Variants in PIF1 observed in about 807,000 individuals in gnomAD.
The protein encoded by PIF1 is ATP-dependent DNA helicase PIF1.
A neutral mutation model predicts 62.3 loss-of-function variants in PIF1; 67 were observed. The ratio of observed to expected loss-of-function variants is 1.08; its 90% CI spans 0.88 to 1.32. The LOEUF (loss-of-function observed/expected upper bound fraction) is 1.32, where lower values mean the gene tolerates loss of function less well. Among genes scored for constraint, PIF1 ranks in the 40% most tolerant of loss-of-function variants. PIF1 has a pLI of 0.00. For missense variants in PIF1, 886 were observed against 866.1 expected, an observed-to-expected ratio of 1.02 and a Z score of -0.29; for synonymous variants, 364 against 379.5, an observed-to-expected ratio of 0.96 and a Z score of 0.47.
intron 12 of PIF1, 27 bp from the exon 13 acceptor site, chr15:64,816,384 C>A (rs2141103107): frequency 6.2e-7 from 1 of 1,613,750 alleles, no homozygotes; most frequent in South Asian, 1.1e-5. Flanking sequence ...GAAGCCCAGT[C>A]ATGGGTTTGT....
chr15:64,822,737 T>C (rs1247889534), intron 2 of PIF1, 127 bp from the exon 3 acceptor site: 22 of 1,404,740 alleles, frequency 1.6e-5, no homozygotes, highest in Non-Finnish European at 1.8e-5. Flanking sequence ...TCCATGGAGC[T>C]CTTGGGTTTG....
chr15:64,822,662 C>T, intron 2 of PIF1, 52 bp from the exon 3 acceptor site: 1 of 1,607,610 alleles, frequency 6.2e-7, no homozygotes, highest in Middle Eastern at 2.2e-4. Flanking sequence ...TAGGCATTGC[C>T]CCCACCCTTC....
Position 64,821,473 on chromosome 15 carries a change from G to A in PIF1, c.865C>T (p.Gln289Ter). 6.2e-7 allele frequency: 1 copy of A among 1,613,910 alleles called. No homozygotes were observed. The highest frequency in any genetic ancestry group is 1.1e-5 in the South Asian group (1 of 91,032). Residue 289 changes from glutamine to a stop codon, truncating the protein, a stop_gained, in exon 5 of 13, where the codon CAA becomes TAA. Coordinates refer to ENST00000559239, the MANE Select transcript of PIF1 (RefSeq NM_001286496.2). LOFTEE classifies it high-confidence loss of function. ...APLAQCVALA[Q>*]RPGVRQGWLN... Reference sequence around the variant, plus strand: ...CAGCCCTGCCGCACGCCTGGCCTTTGGGCCAGGGCCACACACTGGGCTAGA... The same window carrying A: ...CAGCCCTGCCGCACGCCTGGCCTTTAGGCCAGGGCCACACACTGGGCTAGA...
chr15:64,820,070 G>A (rs1388753733), intron 7 of PIF1, 84 bp from the exon 8 acceptor site: 36 of 1,527,134 alleles, frequency 2.4e-5, no homozygotes, highest in Non-Finnish European at 3.0e-5. Context: ...CAAGCAGCAG[G>A]CCATGGGTCA....
upstream of PIF1, among the ~76,000 whole-genome samples, chr15:64,825,860 C>A (rs2084360289): frequency 6.6e-6 from 1 of 152,130 alleles, no homozygotes. Flanking sequence ...GACGGCTGGG[C>A]GTGGTGGGAG....
At position 64,822,496 on chromosome 15, in the gene PIF1, A is replaced by C. The variant is rs760464296; in HGVS notation, c.673T>G (p.Phe225Val). ...CCACTACCTGCACTCCCAGTGAAGA[A>C]GATGCTCTGGCCTTTCAGGACGGCC... Reference protein sequence around the residue: ...LRAVLKGQSIFFTGSAGTGKS... With the variant: ...LRAVLKGQSIVFTGSAGTGKS... Residue 225 changes from phenylalanine (F) to valine (V), a missense_variant, in exon 3 of 13, where the codon TTC becomes GTC. Phe to Val is a conservative substitution (Grantham distance 50). Transcript: ENST00000559239. 1.2e-5 allele frequency: 20 copies of C among 1,613,920 alleles called. No homozygotes were observed. Among genetic ancestry groups the C allele is most frequent in the Non-Finnish European group, 1.6e-5 (19 of 1,180,010 alleles).
intron 7 of PIF1, among the ~76,000 whole-genome samples, chr15:64,820,690 C>A (rs2084272346): frequency 6.6e-6 from 1 of 152,170 alleles, no homozygotes; most frequent in Non-Finnish European, 1.5e-5. Context: ...CCACCGTGCC[C>A]AGCCCCTGAC....
At chr15:64,816,796 G>T in intron 11 of PIF1, 31 bp from the exon 12 acceptor site, 1 of 1,550,920 alleles carries the variant, frequency 6.4e-7, no homozygotes, top group Non-Finnish European at 8.7e-7. Flanking sequence ...GATGGAGTCA[G>T]CTCAGCCTTA....
Position 64,822,534 on chromosome 15 carries a change from G to C in PIF1, c.635C>G (p.Ala212Gly). ...TTTCAGGACGGCCCTCAGCACAGCA[G>C]CCTGTTCCTCAGAAAGCTGTGGCTT... The part of the protein sequence containing the change: ...STKPQLSEEQ[A>G]AVLRAVLKGQ... Residue 212 changes from alanine to glycine, a missense_variant, in exon 3 of 13, where the codon GCT becomes GGT. Transcript: ENST00000559239. 6.2e-7 allele frequency: 1 copy of C among 1,613,992 alleles called. No homozygotes were observed. Among genetic ancestry groups the C allele is most frequent in the Non-Finnish European group, 8.5e-7 (1 of 1,179,998 alleles).
intron 1 of PIF1, 87 bp from the exon 2 acceptor site, chr15:64,824,441 G>T: frequency 2.2e-6 from 2 of 912,948 alleles, no homozygotes; most frequent in Non-Finnish European, 2.9e-6. Flanking sequence ...TATAAAGGAC[G>T]TGACAGGGAG....
In PIF1 at chr15:64,821,441, G is replaced by T; in HGVS notation, c.897C>A (p.Asn299Lys). Residue 299 changes from asparagine to lysine, a missense_variant, in exon 5 of 13, where the codon AAC (asparagine) becomes AAA (lysine). Physicochemically the swap from Asn to Lys is moderately conservative, Grantham distance 94. Coordinates refer to ENST00000559239, the MANE Select transcript of PIF1 (RefSeq NM_001286496.2). The stretch of plus-strand genomic sequence containing the variant: ...TCTCGTCAATGACCAACCGCTGGCA[G>T]TTCAGCCAGCCCTGCCGCACGCCTG... ...QRPGVRQGWL[N>K]CQRLVIDEIS... 3 of 1,614,158 alleles carry T rather than the reference G, an allele frequency of 1.9e-6. No individual in the cohort carries two copies. Among genetic ancestry groups the T allele is most frequent in the Non-Finnish European group, 2.5e-6 (3 of 1,180,032 alleles).
intron 9 of PIF1, 77 bp downstream of exon 9, chr15:64,819,040 G>C: frequency 8.8e-7 from 1 of 1,136,674 alleles, no homozygotes. Flanking sequence ...GAGTGGCCTG[G>C]GCAGAGGGGT....
chr15:64,815,717 C>G lies in PIF1; in HGVS notation c.*581G>C, dbSNP rs1399241546. ...CAATGTCCCCAAACACTATTTATCC[C>G]CTGAAAAAGCAGCTTAAAATATGGG... On this transcript the variant is annotated 3_prime_UTR_variant, in exon 13 of 13. Transcript: ENST00000559239. 1 of 1,550,516 alleles carries G rather than the reference C, an allele frequency of 6.4e-7. No homozygotes were observed. Among genetic ancestry groups the G allele is most frequent in the South Asian group, 1.2e-5 (1 of 84,042 alleles).
Position 64,816,265 on chromosome 15 carries a change from G to T in PIF1, c.*33C>A. 1 of 1,613,212 alleles carries T rather than the reference G, an allele frequency of 6.2e-7. No individual in the cohort carries two copies. On this transcript the variant is annotated 3_prime_UTR_variant, in exon 13 of 13. Transcript: ENST00000559239. ...GGAGCAGGAGGACGGGGAGGCCACA[G>T]GCCACCCTTTGTCTTCTCTTTGTGG...
intron 1 of PIF1, among the ~76,000 whole-genome samples, chr15:64,824,673 C>G (rs1213236513): frequency 6.6e-6 from 1 of 151,874 alleles, no homozygotes; most frequent in Non-Finnish European, 1.5e-5. Context: ...ATGGTGAAAC[C>G]TCGTCTCTAC....
chr15:64,825,528 C>T (rs1731087919), intron 1 of PIF1, 41 bp downstream of exon 1: 1 of 152,282 alleles, frequency 6.6e-6, no homozygotes, highest in South Asian at 2.1e-4. Context: ...TGCACCCTCC[C>T]GCCGGAAACC....
intron 11 of PIF1, 91 bp from the exon 12 acceptor site, chr15:64,816,856 CT>C (rs1595811188): frequency 1.6e-6 from 2 of 1,215,066 alleles, no homozygotes; most frequent in Non-Finnish European, 2.3e-6. Flanking sequence ...GCTACTGCCC[CT>C]GGATCTCCTC....
chr15:64,825,016 C>T (rs1423356594), intron 1 of PIF1, among the ~76,000 whole-genome samples: 1 of 151,522 alleles, frequency 6.6e-6, no homozygotes, highest in Non-Finnish European at 1.5e-5. Context: ...CACACACACA[C>T]ACATATACAC....
At position 64,823,858 on chromosome 15, in the gene PIF1, G is replaced by T; in HGVS notation, c.478C>A (p.Leu160Ile). 7.2e-7 allele frequency: 1 copy of T among 1,384,010 alleles called. No individual in the cohort carries two copies. Among genetic ancestry groups the T allele is most frequent in the Admixed American group, 2.8e-5 (1 of 35,840 alleles). The allele number at this position is 1,384,010 out of a possible 1,614,324, so 85.7% of individuals were successfully genotyped here. A position where few individuals can be genotyped will look rare whatever the true frequency, so the allele number is the denominator to read the frequency against. Residue 160 changes from leucine (L) to isoleucine (I), a missense_variant, in exon 2 of 13, where the codon CTC (leucine) becomes ATC (isoleucine). Leu to Ile is a conservative substitution (Grantham distance 5). Transcript: ENST00000559239. ...ISPVQPEERR[L>I]RAATRVPDTT... ...TCCGGAACCCGGGTGGCCGCCCTGA[G>T]CCGCCGCTCCTCGGGCTGCACAGGG...
Sources: allele counts gnomAD v4.1 joint callset (sites outside exome capture counted in the v4.1 genomes callset), GRCh38; gene constraint gnomAD v4.1.1; transcripts MANE v1.5; gene names NCBI Gene and HGNC (gene_info 2026-07-23, HGNC 2026-07-21).